The following EPHB2 variants were observed in gnomAD, a reference collection of about 807,000 sequenced individuals.
The protein encoded by EPHB2 is ephrin type-B receptor 2.
Under a neutral mutation model 96.4 loss-of-function variants are expected in EPHB2, and 18 were observed. The ratio of observed to expected loss-of-function variants is 0.19; its 90% CI spans 0.13 to 0.28. EPHB2 has a LOEUF of 0.28. Among genes scored for constraint, EPHB2 ranks in the 10% least tolerant of loss-of-function variants. The pLI is 1.00. For synonymous variants in EPHB2, 506 were observed against 534.1 expected (o/e 0.95, Z 0.72); for missense variants, 989 against 1,355.4 (o/e 0.73, Z 4.25).
intron 3 of EPHB2, among the ~76,000 whole-genome samples, chr1:22,853,973 G>A (rs1397782357): frequency 6.6e-6 from 1 of 152,230 alleles, no homozygotes; most frequent in Non-Finnish European, 1.5e-5. Flanking sequence ...CTGCTGGCTG[G>A]GTTCCACAAA....
intron 1 of EPHB2, among the ~76,000 whole-genome samples, chr1:22,754,452 T>C (rs1012420761): frequency 6.6e-6 from 1 of 152,072 alleles, no homozygotes; most frequent in African/African-American, 2.4e-5. Flanking sequence ...GGTGACCATG[T>C]CCGGCTCCAG....
At position 22,711,868 on chromosome 1, in the gene EPHB2, C is replaced by T. The variant is rs950771089; in HGVS notation, c.61+825C>T. Among the ~76,000 whole-genome samples, 4 of 152,198 alleles carry T rather than the reference C, an allele frequency of 2.6e-5. No individual in the cohort carries two copies. In the South Asian group the frequency reaches 6.2e-4, roughly 24 times the overall value. On this transcript the variant is annotated intron_variant, in intron 1 of 15. Transcript: ENST00000374630. Reference sequence around the variant, plus strand: ...CGTGGCCTCGTGTATTGGTACCACTCGACCCCCAGGGGGGCAAGGGTAGTT... The same window carrying T: ...CGTGGCCTCGTGTATTGGTACCACTTGACCCCCAGGGGGGCAAGGGTAGTT...
At chr1:22,727,542 C>T (rs1643607983) in intron 1 of EPHB2, among the ~76,000 whole-genome samples, 1 of 152,168 alleles carries the variant, frequency 6.6e-6, no homozygotes, top group Admixed American at 6.5e-5. Flanking sequence ...AGAACCATCC[C>T]AGAATATGCA....
intron 3 of EPHB2, among the ~76,000 whole-genome samples, chr1:22,854,315 A>G (rs1219788345): frequency 2.0e-5 from 3 of 152,158 alleles, no homozygotes; most frequent in Non-Finnish European, 4.4e-5. Flanking sequence ...GTTCAAGACC[A>G]GCCTGGACGA....
intron 1 of EPHB2, chr1:22,775,093 A>G: frequency 1.4e-6 from 1 of 730,188 alleles, no homozygotes; most frequent in East Asian, 2.5e-5. Context: ...CAGAGAGAGA[A>G]GATAAATGCA....
chr1:22,772,322 T>G (rs1644390985), intron 1 of EPHB2, among the ~76,000 whole-genome samples: 2 of 152,070 alleles, frequency 1.3e-5, no homozygotes, highest in South Asian at 4.1e-4. Context: ...CTCCTCCGCC[T>G]AGGCCTGAGA....
At chr1:22,783,425 C>A (rs1379086108) in intron 2 of EPHB2, among the ~76,000 whole-genome samples, 5 of 152,332 alleles carry the variant, frequency 3.3e-5, no homozygotes, top group Admixed American at 2.0e-4. Flanking sequence ...CCTCAGCAAG[C>A]TCTCAGTCCC....
At chr1:22,795,048 C>T (rs1001039761) in intron 3 of EPHB2, among the ~76,000 whole-genome samples, 1 of 152,194 alleles carries the variant, frequency 6.6e-6, no homozygotes, top group African/African-American at 2.4e-5. Flanking sequence ...CTGGCACAGG[C>T]CCCACTGGCC....
chr1:22,871,028 G>A lies in EPHB2; in HGVS notation c.1303+5816G>A, dbSNP rs766533573. On this transcript the variant is annotated intron_variant, in intron 5 of 15. Transcript: ENST00000374630. ...CTCTATTCACTCTAATCCCCAAAAC[G>A]GCTCACATTTGTCAAGTGCTAACTG... Among the ~76,000 whole-genome samples, 5 of 152,126 alleles carry A rather than the reference G, an allele frequency of 3.3e-5. No individual in the cohort carries two copies. In the South Asian group the frequency reaches 6.2e-4, roughly 19 times the overall value.
intron 1 of EPHB2, among the ~76,000 whole-genome samples, chr1:22,751,072 G>A (rs2148379495): frequency 6.6e-6 from 1 of 152,352 alleles, no homozygotes. Context: ...TAAAAGTAAA[G>A]TGGAGTTCAA....
At chr1:22,750,626 A>G (rs1021370967) in intron 1 of EPHB2, among the ~76,000 whole-genome samples, 2 of 152,152 alleles carry the variant, frequency 1.3e-5, no homozygotes, top group African/African-American at 4.8e-5. Context: ...TCCCTTTTCA[A>G]TTGGGAAAAG....
intron 3 of EPHB2, among the ~76,000 whole-genome samples, chr1:22,803,804 C>G (rs1261350671): frequency 2.0e-5 from 3 of 150,582 alleles, no homozygotes; most frequent in African/African-American, 7.4e-5. Context: ...GTTCCAGCTA[C>G]TAGGGAGGCT....
Position 22,860,582 on chromosome 1 carries a change from A to G in EPHB2, c.812-2455A>G, listed in dbSNP as rs1403025996. On this transcript the variant is annotated intron_variant, in intron 3 of 15. Coordinates refer to ENST00000374630, the MANE Select transcript of EPHB2 (RefSeq NM_017449.5). The surrounding 1 kb of genome is among the most constrained non-coding windows in gnomAD (Gnocchi z 4.6). ...CCAGATGGAGAGGCTGGCACCGCAC[A>G]GAGGGGAGAGAGAGCAGCCACCCAC... Among the ~76,000 whole-genome samples, 1 of 152,084 alleles carries G rather than the reference A, an allele frequency of 6.6e-6. No individual in the cohort carries two copies. The highest frequency in any genetic ancestry group is 1.5e-5 in the Non-Finnish European group (1 of 67,998).
intron 9 of EPHB2, among the ~76,000 whole-genome samples, chr1:22,902,943 A>C (rs1482513187): frequency 1.3e-5 from 2 of 152,204 alleles, no homozygotes; most frequent in African/African-American, 4.8e-5. Context: ...AGAAAGAGAG[A>C]GTGTTCCAGG....
intron 1 of EPHB2, among the ~76,000 whole-genome samples, chr1:22,740,960 C>T (rs1003073355): frequency 3.9e-5 from 6 of 152,222 alleles, no homozygotes; most frequent in African/African-American, 1.2e-4. Context: ...GAGCATGAGC[C>T]GTCCCTGCGA....
At chr1:22,751,736 G>A (rs1244760808) in intron 1 of EPHB2, among the ~76,000 whole-genome samples, 1 of 152,190 alleles carries the variant, frequency 6.6e-6, no homozygotes, top group African/African-American at 2.4e-5. Context: ...CAAGATCAAA[G>A]ACAGTGGGCT....
Position 22,818,566 on chromosome 1 carries a change from C to T in EPHB2, c.811+33490C>T, listed in dbSNP as rs190046937. Among the ~76,000 whole-genome samples, 201 of 152,304 alleles carry T rather than the reference C, an allele frequency of 1.3e-3. 2 individuals are homozygous for T. Among genetic ancestry groups the T allele is most frequent in the African/African-American group, 3.9e-3 (163 of 41,560 alleles). On this transcript the variant is annotated intron_variant, in intron 3 of 15. Transcript: ENST00000374630. ...TTACACACAGGATAAAGGTCAAACT[C>T]CTTCCTATCCCACAAGGAAAGCCTG...
At chr1:22,720,921 G>T (rs926201147) in intron 1 of EPHB2, among the ~76,000 whole-genome samples, 2 of 152,106 alleles carry the variant, frequency 1.3e-5, no homozygotes, top group Non-Finnish European at 2.9e-5. Flanking sequence ...TGAAAAGATG[G>T]GTCCCTGGTG....
intron 1 of EPHB2, among the ~76,000 whole-genome samples, chr1:22,717,059 C>T (rs1016111525): frequency 6.6e-6 from 1 of 152,232 alleles, no homozygotes; most frequent in Non-Finnish European, 1.5e-5. Context: ...TATGATAAAA[C>T]ACAGGACTCC....
Sources: gnomAD v4.1 joint callset for allele counts (sites outside exome capture counted in the v4.1 genomes callset) on GRCh38, gnomAD v4.1.1 for gene constraint, Gnocchi (gnomAD v3.1) non-coding constraint, MANE v1.5 for transcripts, NCBI Gene and HGNC (gene_info 2026-07-23, HGNC 2026-07-21) for gene names.